The following SLC6A16 variants were observed in gnomAD, a reference collection of about 807,000 sequenced individuals.
The protein encoded by SLC6A16 is orphan sodium- and chloride-dependent neurotransmitter transporter NTT5.
In SLC6A16, 54 loss-of-function variants were observed where a neutral mutation model predicts 65.4. The ratio of observed to expected loss-of-function variants is 0.83; its 90% confidence interval spans 0.66 to 1.04. The LOEUF (loss-of-function observed/expected upper bound fraction) is 1.04. Among genes scored for constraint, SLC6A16 ranks in the 50% least tolerant of loss-of-function variants. The probability of loss-of-function intolerance (pLI) is 0.00; values close to 1 mark genes in which losing one functional copy is unlikely to be tolerated. For synonymous variants in SLC6A16, 330 were observed against 346.5 expected (o/e 0.95, Z 0.53); for missense variants, 816 against 914.0 (o/e 0.89, Z 1.38).
At chr19:49,337,731 G>A in the SLC6A16 span, 3 of 1,535,908 alleles carry the variant, frequency 2.0e-6, no homozygotes, top group Non-Finnish European at 2.6e-6. Flanking sequence ...CCTGAAAGAA[G>A]AGACAGAGAC....
At chr19:49,304,635 C>T (rs1970348847) in intron 7 of SLC6A16, among the ~76,000 whole-genome samples, 1 of 152,130 alleles carries the variant, frequency 6.6e-6, no homozygotes, top group African/African-American at 2.4e-5. Context: ...CGTGGTGGCA[C>T]ATGCCTGTAA....
intron 7 of SLC6A16, among the ~76,000 whole-genome samples, chr19:49,302,123 A>C (rs1445859654): frequency 2.6e-5 from 4 of 152,058 alleles, no homozygotes; most frequent in Non-Finnish European, 5.9e-5. Flanking sequence ...GCCCTTAGTC[A>C]ACCCCAGCCC....
Position 49,310,091 on chromosome 19 carries a change from A to G in SLC6A16, c.649T>C (p.Phe217Leu). Residue 217 changes from phenylalanine (F) to leucine (L), a missense_variant, in exon 4 of 12, where the codon TTT becomes CTT. Transcript: ENST00000335875. ...IIFYMSQSFQ[F>L]PVPWEKCPLT... ...GGACATTTCTCCCATGGAACGGGAAACTGGAAGGACTGGCTCATGTAGAAG... is the reference window on the plus strand; with the variant it reads ...GGACATTTCTCCCATGGAACGGGAAGCTGGAAGGACTGGCTCATGTAGAAG... The G allele has an allele frequency of 6.2e-7, 1 of 1,614,114 alleles. No homozygotes were observed. Among genetic ancestry groups the G allele is most frequent in the African/African-American group, 1.3e-5 (1 of 75,002 alleles).
At chr19:49,339,611 G>A in the SLC6A16 span, 3 of 1,438,028 alleles carry the variant, frequency 2.1e-6, no homozygotes, top group Non-Finnish European at 2.7e-6. This position sits in a 1 kb window ranked among gnomAD's most constrained non-coding sequence, Gnocchi z 4.5. Context: ...TGTACGCAGG[G>A]AAAGCCTCCT....
At chr19:49,296,210 C>T (rs1460774919) in intron 7 of SLC6A16, among the ~76,000 whole-genome samples, 1 of 152,190 alleles carries the variant, frequency 6.6e-6, no homozygotes, top group African/African-American at 2.4e-5. Context: ...TGGTCTCAAA[C>T]TCCGGACTTC....
At chr19:49,321,319 T>TAA (rs55808015) in intron 1 of SLC6A16, among the ~76,000 whole-genome samples, 16 of 144,514 alleles carry the variant, frequency 1.1e-4, no homozygotes, top group Non-Finnish European at 1.8e-4. Context: ...CCTTTCATGA[T>TAA]AAAAAAAAAA....
Position 49,290,079 on chromosome 19 carries a change from G to T in SLC6A16, c.*44C>A. The T allele has an allele frequency of 1.9e-6, 3 of 1,574,398 alleles. No homozygotes were observed. The highest frequency in any genetic ancestry group is 2.6e-6 in the Non-Finnish European group (3 of 1,154,652). Reference sequence around the variant, plus strand: ...AGCTGATATTAAGAGTTGTCTATTGGATCTGTTCTAAGGGATATGTTATGT... The same window carrying T: ...AGCTGATATTAAGAGTTGTCTATTGTATCTGTTCTAAGGGATATGTTATGT... On this transcript the variant is annotated 3_prime_UTR_variant, in exon 12 of 12. Coordinates refer to ENST00000335875, the MANE Select transcript of SLC6A16 (RefSeq NM_014037.3).
intron 8 of SLC6A16, 39 bp downstream of exon 8, chr19:49,294,328 C>G: frequency 1.3e-6 from 2 of 1,593,926 alleles, no homozygotes; most frequent in South Asian, 2.3e-5. Flanking sequence ...TAAAGGCTTT[C>G]AGGAACTCTA....
intron 1 of SLC6A16, among the ~76,000 whole-genome samples, chr19:49,323,070 T>C (rs1393899282): frequency 1.3e-5 from 2 of 151,910 alleles, no homozygotes; most frequent in Non-Finnish European, 2.9e-5. Context: ...AGAAACAATG[T>C]ATGGAAAAAT....
chr19:49,309,776 C>G lies in SLC6A16; in HGVS notation c.751G>C (p.Ala251Pro), dbSNP rs768887886. The G allele has an allele frequency of 6.2e-7, 1 of 1,614,036 alleles. No individual in the cohort carries two copies. The highest frequency in any genetic ancestry group is 8.5e-7 in the Non-Finnish European group (1 of 1,179,966). The change falls in exon 5 of 12, where the codon GCC (alanine) becomes CCC (proline). Residue 251 changes from alanine (A) to proline (P), a missense_variant. By Grantham distance (27) the Ala-to-Pro change is conservative. Transcript: ENST00000335875. ...TCGATTCTGTCTGAGGCCTTCAAGG[C>G]CTGCTGGTACCAGAAGTATATGGAG... Reference protein sequence around the residue: ...TPSIYFWYQQALKASDRIEDG... With the variant: ...TPSIYFWYQQPLKASDRIEDG...
At chr19:49,308,835 T>G (rs1970446524) in intron 7 of SLC6A16, 41 bp downstream of exon 7, 1 of 1,610,200 alleles carries the variant, frequency 6.2e-7, no homozygotes, top group Non-Finnish European at 8.5e-7. Context: ...GGTTTTAAAG[T>G]TCCCTGGAGC....
At chr19:49,305,556 C>T (rs931256691) in intron 7 of SLC6A16, among the ~76,000 whole-genome samples, 1 of 149,000 alleles carries the variant, frequency 6.7e-6, no homozygotes, top group Non-Finnish European at 1.5e-5. Flanking sequence ...TGCACCATTA[C>T]GCTCCAGCCT....
In SLC6A16 at chr19:49,290,063, T is replaced by A; in HGVS notation, c.*60A>T. The A allele has an allele frequency of 6.6e-7, 1 of 1,520,760 alleles. No homozygotes were observed. The highest frequency in any genetic ancestry group is 9.0e-7 in the Non-Finnish European group (1 of 1,117,168). The allele number at this position is 1,520,760 out of a possible 1,614,324, so 94.2% of individuals were successfully genotyped here. ...GAGATCAACAGTTGCAAGCTGATAT[T>A]AAGAGTTGTCTATTGGATCTGTTCT... is the stretch of plus-strand genomic sequence containing the variant. On this transcript the variant is annotated 3_prime_UTR_variant, in exon 12 of 12. Transcript: ENST00000335875.
chr19:49,309,637 T>C lies in SLC6A16; in HGVS notation c.876+14A>G, dbSNP rs1485168864. 6.2e-7 allele frequency: 1 copy of C among 1,608,748 alleles called. No individual in the cohort carries two copies. The highest frequency in any genetic ancestry group is 1.1e-5 in the South Asian group (1 of 90,998). On this transcript the variant is annotated intron_variant, in intron 5 of 11. Coordinates refer to ENST00000335875, the MANE Select transcript of SLC6A16 (RefSeq NM_014037.3). ...CATCTGAGAATTTCAAGGAATCCAA[T>C]ACTGGTGGCTCACCTTCCCAGTGGA...
At position 49,317,477 on chromosome 19, in the gene SLC6A16, C is replaced by G. The variant is rs117821177; in HGVS notation, c.-64-6066G>C. On this transcript the variant is annotated intron_variant, in intron 1 of 11. Coordinates refer to ENST00000335875, the MANE Select transcript of SLC6A16 (RefSeq NM_014037.3). ...TCCACTTTTGACCATGAAAGCAAAACAGTGTCTGGAGTTACCTCCACAAAA... is the reference window on the plus strand; with the variant it reads ...TCCACTTTTGACCATGAAAGCAAAAGAGTGTCTGGAGTTACCTCCACAAAA... 1.3e-4 allele frequency among the ~76,000 whole-genome samples: 20 copies of G among 152,112 alleles called. No individual in the cohort carries two copies. The East Asian group carries it at 3.5e-3, about 26-fold the overall frequency.
intron 7 of SLC6A16, among the ~76,000 whole-genome samples, chr19:49,297,768 G>A (rs563967202): frequency 1.4e-4 from 21 of 152,046 alleles, no homozygotes; most frequent in Non-Finnish European, 2.4e-4. Flanking sequence ...AAAAAGGAAC[G>A]AACCTCCAAT....
At chr19:49,332,451 C>T in the SLC6A16 span, 2 of 366,878 alleles carry the variant, frequency 5.5e-6, no homozygotes, top group Non-Finnish European at 1.1e-5. Flanking sequence ...CACATTTACT[C>T]GGGAGGCTGA....
intron 7 of SLC6A16, among the ~76,000 whole-genome samples, chr19:49,307,848 C>T (rs1217630182): frequency 6.6e-6 from 1 of 151,710 alleles, no homozygotes; most frequent in African/African-American, 2.4e-5. Flanking sequence ...ATGGCTCTGT[C>T]TCCTGTCCTC....
At chr19:49,335,238 C>T in the SLC6A16 span, 4 of 417,098 alleles carry the variant, frequency 9.6e-6, no homozygotes, top group South Asian at 9.5e-5. This position sits in a 1 kb window ranked among gnomAD's most constrained non-coding sequence, Gnocchi z 4.6. Context: ...GACATGGAGA[C>T]CTGGGAGGGA....
Sources: allele counts gnomAD v4.1 joint callset (sites outside exome capture counted in the v4.1 genomes callset), GRCh38; gene constraint gnomAD v4.1.1; non-coding constraint Gnocchi (gnomAD v3.1); transcripts MANE v1.5; gene names NCBI Gene and HGNC (gene_info 2026-07-23, HGNC 2026-07-21).